The following PFKFB3 variants were observed in gnomAD, a reference collection of about 807,000 sequenced individuals.
PFKFB3 encodes 6-phosphofructo-2-kinase/fructose-2,6-bisphosphatase 3.
In PFKFB3, 33 loss-of-function variants were observed where a neutral mutation model predicts 68.0. The ratio of observed to expected loss-of-function variants is 0.49; its 90% CI spans 0.37 to 0.65. The LOEUF (loss-of-function observed/expected upper bound fraction) is 0.65, where lower values mean the gene tolerates loss of function less well. Among genes scored for constraint, PFKFB3 ranks in the 30% least tolerant of loss-of-function variants. The pLI is 0.00. For missense variants in PFKFB3, 586 were observed against 712.2 expected (o/e 0.82, Z 2.02); for synonymous variants, 315 against 288.2 (o/e 1.09, Z -0.94).
intron 1 of PFKFB3, among the ~76,000 whole-genome samples, chr10:6,177,350 TTTTCTCTTTCTTTCTTTC>T (rs1842504648): frequency 6.8e-6 from 1 of 146,984 alleles, no homozygotes; most frequent in Non-Finnish European, 1.5e-5. Context: ...GTTTCTTTTC[TTTTCTCTTTCTTTCTTTC>T]TTTCTTTCTT....
At chr10:6,226,537 A>G (rs1018430184) in intron 14 of PFKFB3, 172 bp downstream of exon 14, 1 of 603,706 alleles carries the variant, frequency 1.7e-6, no homozygotes, top group African/African-American at 1.9e-5. Flanking sequence ...ATGTGCACAC[A>G]CTCACGTGTT....
At chr10:6,264,128 G>A in the PFKFB3 span, among the ~76,000 whole-genome samples, 1 of 152,214 alleles carries the variant, frequency 6.6e-6, no homozygotes, top group Admixed American at 6.5e-5. Flanking sequence ...CTCTTGGAAG[G>A]TTGCCTTTTC....
At chr10:6,320,597 A>AT in the PFKFB3 span, among the ~76,000 whole-genome samples, 3 of 151,672 alleles carry the variant, frequency 2.0e-5, no homozygotes, top group South Asian at 2.1e-4. Context: ...TAATTTTTAC[A>AT]TTTTTTCAGT....
chr10:6,189,099 A>G (rs1357815917), intron 1 of PFKFB3, among the ~76,000 whole-genome samples: 1 of 152,112 alleles, frequency 6.6e-6, no homozygotes. Context: ...TTGGCCTCCC[A>G]AAGTGCTGGG....
At chr10:6,292,960 GC>G in the PFKFB3 span, 1 of 197,794 alleles carries the variant, frequency 5.1e-6, no homozygotes. Flanking sequence ...AAGATTCCCA[GC>G]CATAATGTGA....
At chr10:6,196,055 A>G (rs747394855) in intron 1 of PFKFB3, among the ~76,000 whole-genome samples, 27 of 151,360 alleles carry the variant, frequency 1.8e-4, no homozygotes, top group Non-Finnish European at 2.5e-4. Context: ...TTCGGGGGAG[A>G]GGGCGGGAGA....
At position 6,221,667 on chromosome 10, in the gene PFKFB3, G is replaced by A; in HGVS notation, c.1005G>A (p.Glu335=). ...DAGVCEELTY[E]EIRDTYPEEY... ...GCGTCTGTGAGGAGCTGACCTACGA[G>A]GAGATCAGGGACACCTACCCTGAGG... The change falls in exon 10 of 15, where the codon GAG becomes GAA. Residue 335 remains glutamate, a synonymous_variant. Transcript: ENST00000379775. 1.2e-6 allele frequency: 2 copies of A among 1,611,050 alleles called. No individual in the cohort carries two copies. The highest frequency in any genetic ancestry group is 1.3e-5 in the African/African-American group (1 of 75,010).
At chr10:6,176,109 A>G (rs1842458855) in intron 1 of PFKFB3, among the ~76,000 whole-genome samples, 1 of 152,274 alleles carries the variant, frequency 6.6e-6, no homozygotes, top group Non-Finnish European at 1.5e-5. Flanking sequence ...GTGTTCGTGC[A>G]GTGGAATACT....
chr10:6,146,114 C>CT, intron 1 of PFKFB3: 1 of 530,052 alleles, frequency 1.9e-6, no homozygotes, highest in Non-Finnish European at 2.4e-6. Flanking sequence ...CCTGGGCACA[C>CT]TAAGGACGTT....
intron 10 of PFKFB3, chr10:6,222,614 C>T (rs768550182): frequency 9.1e-6 from 3 of 329,038 alleles, no homozygotes; most frequent in Non-Finnish European, 1.7e-5. Flanking sequence ...CTTTTGCGCC[C>T]AGTTCTTTCA....
chr10:6,273,436 C>T, the PFKFB3 span, among the ~76,000 whole-genome samples: 10 of 152,202 alleles, frequency 6.6e-5, no homozygotes, highest in South Asian at 6.2e-4. Flanking sequence ...TACAATCGCA[C>T]GGCCCTTTAC....
At chr10:6,270,187 G>A in the PFKFB3 span, among the ~76,000 whole-genome samples, 1 of 152,186 alleles carries the variant, frequency 6.6e-6, no homozygotes, top group South Asian at 2.1e-4. Flanking sequence ...AAAGAATATG[G>A]GTGTTTAAGA....
At chr10:6,323,500 T>C in the PFKFB3 span, among the ~76,000 whole-genome samples, 4 of 152,360 alleles carry the variant, frequency 2.6e-5, no homozygotes, top group Admixed American at 6.5e-5. Context: ...CCTTTCTCAC[T>C]TCTTACCCTG....
At chr10:6,250,646 A>C (rs1241496410) in intron 14 of PFKFB3, among the ~76,000 whole-genome samples, 2 of 151,522 alleles carry the variant, frequency 1.3e-5, no homozygotes, top group African/African-American at 4.9e-5. Context: ...GAATGGGATT[A>C]GGTACCCTAT....
At chr10:6,302,749 T>TACACAC in the PFKFB3 span, among the ~76,000 whole-genome samples, 82 of 145,832 alleles carry the variant, frequency 5.6e-4, 1 homozygote, top group East Asian at 5.1e-3. Context: ...TGTGTGTGTA[T>TACACAC]ACACACACAC....
upstream of PFKFB3, among the ~76,000 whole-genome samples, chr10:6,200,921 C>T (rs986769340): frequency 2.0e-5 from 3 of 152,206 alleles, no homozygotes; most frequent in Non-Finnish European, 4.4e-5. Flanking sequence ...TGTGCCGCTG[C>T]TGGGGCAGAC....
intron 1 of PFKFB3, among the ~76,000 whole-genome samples, chr10:6,209,787 C>T (rs1277718027): frequency 2.6e-4 from 26 of 98,376 alleles, no homozygotes; most frequent in African/African-American, 5.7e-4. Context: ...TTTTTTGAGA[C>T]GGTGTCTCAC....
intron 14 of PFKFB3, among the ~76,000 whole-genome samples, chr10:6,245,308 AC>A (rs1206300545): frequency 6.6e-6 from 1 of 151,810 alleles, no homozygotes; most frequent in African/African-American, 2.4e-5. Flanking sequence ...TGTTGGCCAG[AC>A]TGGTCTCGAA....
chr10:6,203,391 A>G (rs1843467855), intron 1 of PFKFB3, 55 bp downstream of exon 1: 1 of 1,433,948 alleles, frequency 7.0e-7, no homozygotes, highest in Non-Finnish European at 9.5e-7. Context: ...GGGCCGGGCC[A>G]TTGTGTGGGG....
Sources: gnomAD v4.1 joint callset for allele counts (sites outside exome capture counted in the v4.1 genomes callset) on GRCh38, gnomAD v4.1.1 for gene constraint, MANE v1.5 for transcripts, NCBI Gene and HGNC (gene_info 2026-07-23, HGNC 2026-07-21) for gene names.